STK38L: variants seen among roughly 807,000 people sequenced by gnomAD.
STK38L encodes the protein serine/threonine-protein kinase 38-like.
STK38L carries 28 observed loss-of-function variants against 59.7 expected under a neutral mutation model. The observed-to-expected ratio is 0.47, with a 90% CI of 0.35 to 0.64. The LOEUF (loss-of-function observed/expected upper bound fraction) is 0.64. STK38L is among the 30% of genes least tolerant of loss of function. The probability of loss-of-function intolerance (pLI) is 0.01; values close to 1 mark genes in which losing one functional copy is unlikely to be tolerated. For synonymous variants in STK38L, 162 were observed against 176.8 expected (o/e 0.92, Z 0.66); for missense variants, 314 against 555.8 (o/e 0.56, Z 4.37).
chr12:27,244,356 G>C (rs1183168209), intron 1 of STK38L, 24 bp downstream of exon 1: 1 of 152,338 alleles, frequency 6.6e-6, no homozygotes, highest in Non-Finnish European at 1.5e-5. Flanking sequence ...TGTAGCGCTC[G>C]GCTGAGGGCC....
chr12:27,295,985 T>C (rs1260698176), intron 1 of STK38L, among the ~76,000 whole-genome samples: 1 of 152,040 alleles, frequency 6.6e-6, no homozygotes, highest in East Asian at 1.9e-4. Flanking sequence ...CAGATAAGGA[T>C]AGAAAATATA....
intron 5 of STK38L, among the ~76,000 whole-genome samples, chr12:27,311,385 A>G (rs1944450191): frequency 6.6e-6 from 1 of 152,232 alleles, no homozygotes; most frequent in Non-Finnish European, 1.5e-5. Flanking sequence ...TGACACTTTA[A>G]GCAGATCATA....
chr12:27,253,569 G>A (rs999304633), intron 1 of STK38L, among the ~76,000 whole-genome samples: 1 of 152,192 alleles, frequency 6.6e-6, no homozygotes, highest in Non-Finnish European at 1.5e-5. Flanking sequence ...TGACTGGAGA[G>A]CTACATTCAC....
intron 1 of STK38L, among the ~76,000 whole-genome samples, chr12:27,292,620 G>A (rs142795962): frequency 2.5e-4 from 37 of 150,898 alleles, no homozygotes; most frequent in African/African-American, 6.5e-4. Context: ...ACTGCCTACT[G>A]TGTGCTCATC....
chr12:27,251,413 A>G (rs1365364600), intron 1 of STK38L, among the ~76,000 whole-genome samples: 7 of 152,322 alleles, frequency 4.6e-5, no homozygotes, highest in East Asian at 1.9e-4. Context: ...GGTTATGGCT[A>G]TTACACCTAT....
At chr12:27,296,816 C>T (rs1161499445) in intron 1 of STK38L, among the ~76,000 whole-genome samples, 1 of 152,202 alleles carries the variant, frequency 6.6e-6, no homozygotes, top group African/African-American at 2.4e-5. Context: ...GTTCAGTCTT[C>T]CCCCCGTCAA....
intron 1 of STK38L, among the ~76,000 whole-genome samples, chr12:27,290,132 T>A (rs1227990917): frequency 6.6e-6 from 1 of 152,258 alleles, no homozygotes; most frequent in East Asian, 1.9e-4. Context: ...ATCAAACACA[T>A]GACGTATCTC....
At chr12:27,310,257 A>G (rs913795201) in intron 5 of STK38L, among the ~76,000 whole-genome samples, 1 of 152,184 alleles carries the variant, frequency 6.6e-6, no homozygotes, top group South Asian at 2.1e-4. Context: ...GAAGGTTGAG[A>G]TACTGAGTTG....
At chr12:27,304,923 A>G (rs536575632) in intron 3 of STK38L, among the ~76,000 whole-genome samples, 2 of 152,288 alleles carry the variant, frequency 1.3e-5, no homozygotes, top group East Asian at 3.9e-4. Context: ...AAATAGATTA[A>G]TATTTTTCCT....
chr12:27,298,303 G>A (rs967260120), intron 2 of STK38L: 1 of 154,170 alleles, frequency 6.5e-6, no homozygotes, highest in Non-Finnish European at 1.4e-5. Context: ...GCCGGGTGTG[G>A]TGGCGGGTGC....
At position 27,296,857 on chromosome 12, in the gene STK38L, A is replaced by G. The variant is rs933428069; in HGVS notation, c.-11-853A>G. Among the ~76,000 whole-genome samples the G allele has an allele frequency of 2.0e-5, 3 of 152,184 alleles. No individual in the cohort carries two copies. The South Asian group carries it at 6.2e-4, about 32-fold the overall frequency. On this transcript the variant is annotated intron_variant, in intron 1 of 13. Coordinates refer to ENST00000389032, the MANE Select transcript of STK38L (RefSeq NM_015000.4). ...CATTTTGCCACACTCCTTATCTAAT[A>G]GTCCAGATTATTTTCTTTGAAACGG...
chr12:27,257,111 A>T (rs1159660713), intron 1 of STK38L, among the ~76,000 whole-genome samples: 1 of 152,234 alleles, frequency 6.6e-6, no homozygotes, highest in Non-Finnish European at 1.5e-5. Flanking sequence ...AGAGACTGAC[A>T]CAAAACCAAG....
At chr12:27,271,244 G>C (rs759183897) in intron 1 of STK38L, among the ~76,000 whole-genome samples, 2 of 152,246 alleles carry the variant, frequency 1.3e-5, no homozygotes, top group Admixed American at 6.5e-5. Context: ...ATAGGTATCT[G>C]AAGAAATACT....
At chr12:27,280,536 C>A (rs1473935360) in intron 1 of STK38L, among the ~76,000 whole-genome samples, 2 of 152,098 alleles carry the variant, frequency 1.3e-5, no homozygotes, top group East Asian at 3.9e-4. Context: ...TTCTTTTGGG[C>A]CTCTTGAGGC....
At chr12:27,311,869 T>A (rs1944461993) in intron 5 of STK38L, among the ~76,000 whole-genome samples, 1 of 152,104 alleles carries the variant, frequency 6.6e-6, no homozygotes, top group Non-Finnish European at 1.5e-5. Flanking sequence ...TGTACCAATT[T>A]ACAGGGCATT....
chr12:27,266,588 A>G (rs1943306586), intron 1 of STK38L, among the ~76,000 whole-genome samples: 1 of 152,202 alleles, frequency 6.6e-6, no homozygotes, highest in South Asian at 2.1e-4. Flanking sequence ...CAGAGTGATT[A>G]TCCACTTAGT....
intron 1 of STK38L, among the ~76,000 whole-genome samples, chr12:27,254,804 G>A (rs953248983): frequency 1.3e-5 from 2 of 152,104 alleles, no homozygotes; most frequent in Non-Finnish European, 2.9e-5. Flanking sequence ...CACAGAGAGG[G>A]GGCGGGAGAA....
intron 1 of STK38L, among the ~76,000 whole-genome samples, chr12:27,251,079 TCTC>T (rs1942966173): frequency 1.3e-5 from 2 of 151,982 alleles, no homozygotes; most frequent in African/African-American, 4.8e-5. Context: ...TACAAAAACT[TCTC>T]CTTTTCTCTT....
At chr12:27,276,468 G>A (rs571654831) in intron 1 of STK38L, among the ~76,000 whole-genome samples, 4 of 152,056 alleles carry the variant, frequency 2.6e-5, no homozygotes, top group South Asian at 2.1e-4. Flanking sequence ...GACTTCCACC[G>A]AGCCCATCTC....
Sources: allele counts gnomAD v4.1 joint callset (sites outside exome capture counted in the v4.1 genomes callset), GRCh38; gene constraint gnomAD v4.1.1; transcripts MANE v1.5; gene names NCBI Gene and HGNC (gene_info 2026-07-23, HGNC 2026-07-21).